The following SLC7A1 variants were observed in gnomAD, a reference collection of about 807,000 sequenced individuals.
SLC7A1 encodes solute carrier family 7 member 1, also known as high affinity cationic amino acid transporter 1.
SLC7A1 carries 10 observed loss-of-function variants against 53.9 expected under a neutral mutation model. The ratio of observed to expected loss-of-function variants is 0.19; its 90% confidence interval spans 0.11 to 0.31. SLC7A1 has a LOEUF of 0.31. SLC7A1 is among the 10% of genes least tolerant of loss of function. SLC7A1 has a pLI of 1.00. For synonymous variants in SLC7A1, 342 were observed against 338.7 expected, an observed-to-expected ratio of 1.01 and a Z score of -0.11; for missense variants, 525 against 827.2, an observed-to-expected ratio of 0.63 and a Z score of 4.48.
intron 1 of SLC7A1, among the ~76,000 whole-genome samples, chr13:29,563,219 AG>A (rs1381660356): frequency 6.6e-6 from 1 of 152,242 alleles, no homozygotes; most frequent in African/African-American, 2.4e-5. Context: ...GTCAACTAGC[AG>A]GCAGAGGCTA....
Position 29,584,528 on chromosome 13 carries a change from G to A in SLC7A1, c.-115+10888C>T, listed in dbSNP as rs183735424. Reference sequence around the variant, plus strand: ...TTCTCACAACAAATTTATTTTTATTGAGAAGCATAGTAAATAAAAGAAACT... The same window carrying A: ...TTCTCACAACAAATTTATTTTTATTAAGAAGCATAGTAAATAAAAGAAACT... On this transcript the variant is annotated intron_variant, in intron 1 of 12. Transcript: ENST00000380752. Among the ~76,000 whole-genome samples, 15 of 152,238 alleles carry A rather than the reference G, an allele frequency of 9.9e-5. No homozygotes were observed. In the East Asian group the frequency reaches 2.9e-3, roughly 29 times the overall value.
At chr13:29,559,835 C>T (rs1254702454) in intron 1 of SLC7A1, among the ~76,000 whole-genome samples, 6 of 152,040 alleles carry the variant, frequency 3.9e-5, no homozygotes, top group Non-Finnish European at 8.8e-5. Context: ...CCTGCCTCAG[C>T]CTCCCAAGAA....
Position 29,536,153 on chromosome 13 carries a change from C to A in SLC7A1, c.36G>T (p.Gln12His). Residue 12 changes from glutamine to histidine, a missense_variant, in exon 3 of 13, where the codon CAG becomes CAT. By Grantham distance (24) the Gln-to-His change is conservative (BLOSUM62 0). Transcript: ENST00000380752. ...AGTCCACCACCTTCCGCCGCAGCAT[C>A]TGCTGCCCAATGTTGAGCAGGACTT... ...GCKVLLNIGQ[Q>H]MLRRKVVDCS... 1.9e-6 allele frequency: 3 copies of A among 1,613,912 alleles called. No homozygotes were observed. Among genetic ancestry groups the A allele is most frequent in the Non-Finnish European group, 2.5e-6 (3 of 1,179,922 alleles).
At chr13:29,551,674 C>T (rs9579401) in intron 2 of SLC7A1, among the ~76,000 whole-genome samples, 13,556 of 152,140 alleles carry the variant, frequency 0.089, 658 homozygotes, top group Middle Eastern at 0.15. Flanking sequence ...CTGACTGGGG[C>T]GGCGCGGGGA....
At chr13:29,565,918 G>T (rs1433738990) in intron 1 of SLC7A1, among the ~76,000 whole-genome samples, 1 of 152,158 alleles carries the variant, frequency 6.6e-6, no homozygotes, top group African/African-American at 2.4e-5. Flanking sequence ...CTGGGCCAAG[G>T]AACCATCACC....
At chr13:29,570,849 C>A (rs1187146456) in intron 1 of SLC7A1, among the ~76,000 whole-genome samples, 1 of 96,648 alleles carries the variant, frequency 1.0e-5, no homozygotes, top group Non-Finnish European at 2.4e-5. Flanking sequence ...CAAAGAGAGA[C>A]TTTGTCTCAA....
chr13:29,592,232 C>T (rs555017885), intron 1 of SLC7A1, among the ~76,000 whole-genome samples: 1 of 152,202 alleles, frequency 6.6e-6, no homozygotes, highest in African/African-American at 2.4e-5. Context: ...AGTGTGTTCA[C>T]CAAATGCAAT....
At chr13:29,571,830 C>T (rs990455116) in intron 1 of SLC7A1, among the ~76,000 whole-genome samples, 9 of 152,190 alleles carry the variant, frequency 5.9e-5, no homozygotes, top group African/African-American at 1.9e-4. Flanking sequence ...TTCCATATCC[C>T]GCTTTACGTC....
chr13:29,528,971 G>C (rs545966437), intron 5 of SLC7A1, among the ~76,000 whole-genome samples: 1 of 152,170 alleles, frequency 6.6e-6, no homozygotes, highest in Admixed American at 6.5e-5. Flanking sequence ...GTTAACAAGA[G>C]GTGCCCTATA....
intron 2 of SLC7A1, among the ~76,000 whole-genome samples, chr13:29,547,772 A>T (rs1324517543): frequency 6.6e-6 from 1 of 152,246 alleles, no homozygotes; most frequent in Non-Finnish European, 1.5e-5. Context: ...AGAAGCTGAT[A>T]AGCGGGTACA....
chr13:29,567,486 G>C (rs556274847), intron 1 of SLC7A1, among the ~76,000 whole-genome samples: 1 of 152,322 alleles, frequency 6.6e-6, no homozygotes, highest in East Asian at 1.9e-4. Context: ...GATAGGAAAA[G>C]ACATGCCCAA....
rs1217815142 is a variant in SLC7A1, at chr13:29,532,857, T to C, written c.496A>G (p.Ile166Val). 1.2e-6 allele frequency: 2 copies of C among 1,614,036 alleles called. No homozygotes were observed. Among genetic ancestry groups the C allele is most frequent in the East Asian group, 4.5e-5 (2 of 44,876 alleles). ...APGVLAENPDIFAVIIILILT... is the reference protein window; with the variant it reads ...APGVLAENPDVFAVIIILILT... ...ATGAGAATTATGATCACTGCGAATA[T>C]GTCGGGGTTTTCAGCCAGCACGCCG... is the stretch of plus-strand genomic sequence containing the variant. Residue 166 changes from isoleucine to valine, a missense_variant, in exon 4 of 13, where the codon ATA (isoleucine) becomes GTA (valine). Around this residue, in one of 4 missense-constraint regions of SLC7A1, gnomAD observed 354 missense variants for 587.5 expected, o/e 0.60. Transcript: ENST00000380752.
intron 2 of SLC7A1, among the ~76,000 whole-genome samples, chr13:29,545,572 A>T (rs58295136): frequency 0.13 from 19,457 of 152,266 alleles, 1,781 homozygotes; most frequent in African/African-American, 0.25. Flanking sequence ...AATGCAAAGA[A>T]CCATCAGCAT....
At chr13:29,550,603 G>C (rs1870133790) in intron 2 of SLC7A1, among the ~76,000 whole-genome samples, 1 of 152,156 alleles carries the variant, frequency 6.6e-6, no homozygotes. Context: ...CCAAAAAGAG[G>C]CCAGGACTCA....
chr13:29,545,011 G>A (rs549362541), intron 2 of SLC7A1, among the ~76,000 whole-genome samples: 3 of 152,096 alleles, frequency 2.0e-5, no homozygotes, highest in African/African-American at 4.8e-5. Flanking sequence ...CACAGCACAC[G>A]CAGCAGTCAG....
At chr13:29,590,356 G>GC (rs929984907) in intron 1 of SLC7A1, among the ~76,000 whole-genome samples, 30 of 152,056 alleles carry the variant, frequency 2.0e-4, no homozygotes, top group African/African-American at 6.5e-4. Context: ...CTCCCGTCCT[G>GC]CCCCCCACCA....
chr13:29,518,357 G>A (rs1357936999), intron 9 of SLC7A1, among the ~76,000 whole-genome samples: 1 of 152,168 alleles, frequency 6.6e-6, no homozygotes, highest in African/African-American at 2.4e-5. Flanking sequence ...TCCAAGACAT[G>A]AGCTACCTGC....
At chr13:29,551,214 A>T (rs1593560919) in intron 2 of SLC7A1, among the ~76,000 whole-genome samples, 1 of 152,212 alleles carries the variant, frequency 6.6e-6, no homozygotes, top group Admixed American at 6.5e-5. Context: ...GTAACTGTTC[A>T]CAATGATCGA....
chr13:29,521,471 G>A (rs890540579), intron 8 of SLC7A1, among the ~76,000 whole-genome samples: 1 of 152,160 alleles, frequency 6.6e-6, no homozygotes, highest in African/African-American at 2.4e-5. Context: ...TCACAAGGCC[G>A]CTCCACCGCC....
Sources: allele counts gnomAD v4.1 joint callset (sites outside exome capture counted in the v4.1 genomes callset), GRCh38; gene constraint gnomAD v4.1.1; regional missense constraint gnomAD v4.1.1; transcripts MANE v1.5; gene names NCBI Gene and HGNC (gene_info 2026-07-23, HGNC 2026-07-21).